Variants in UNC5C observed in about 807,000 individuals in gnomAD.
UNC5C encodes netrin receptor UNC5C.
Under a neutral mutation model 99.8 loss-of-function variants are expected in UNC5C, and 47 were observed. The observed-to-expected ratio is 0.47, with a 90% confidence interval of 0.37 to 0.60. The LOEUF (loss-of-function observed/expected upper bound fraction) is 0.60. Among genes scored for constraint, UNC5C ranks in the 20% least tolerant of loss-of-function variants. UNC5C has a pLI of 0.00. For synonymous variants in UNC5C, 487 were observed against 452.2 expected, an observed-to-expected ratio of 1.08 and a Z score of -0.98; for missense variants, 1,062 against 1,165.9, an observed-to-expected ratio of 0.91 and a Z score of 1.30.
At chr4:95,331,569 C>T (rs1743112842) in intron 2 of UNC5C, among the ~76,000 whole-genome samples, 1 of 152,028 alleles carries the variant, frequency 6.6e-6, no homozygotes, top group African/African-American at 2.4e-5. Context: ...TTACTCCATT[C>T]CTGAATCTCA....
At chr4:95,206,902 CTTTTT>C (rs35063112) in intron 10 of UNC5C, 106 bp from the exon 11 acceptor site, 39 of 510,754 alleles carry the variant, frequency 7.6e-5, no homozygotes, top group East Asian at 1.7e-4. Flanking sequence ...TCCTGGAATT[CTTTTT>C]TTTTTTTTTT....
chr4:95,488,177 T>C (rs1223969840), intron 1 of UNC5C, among the ~76,000 whole-genome samples: 1 of 151,702 alleles, frequency 6.6e-6, no homozygotes, highest in Admixed American at 6.6e-5. Context: ...ATTGAGTCAA[T>C]AGCAGGAATA....
chr4:95,206,811 G>C lies in UNC5C; in HGVS notation c.1734-15C>G, dbSNP rs577914378. 6.5e-7 allele frequency: 1 copy of C among 1,545,744 alleles called. No homozygotes were observed. The highest frequency in any genetic ancestry group is 1.4e-5 in the African/African-American group (1 of 71,884). On this transcript the variant is annotated splice_polypyrimidine_tract_variant and intron_variant, in intron 10 of 15. Coordinates refer to ENST00000453304, the MANE Select transcript of UNC5C (RefSeq NM_003728.4). ...CCATGGGTGGCCTAGGAGGAGAGCA[G>C]AGAATGGCTTCAGTGACATTTCCAT...
At chr4:95,240,891 G>C (rs4699414) in intron 7 of UNC5C, among the ~76,000 whole-genome samples, 52,597 of 152,016 alleles carry the variant, frequency 0.35, 9,459 homozygotes, top group East Asian at 0.58. Context: ...TCTGTCTCGT[G>C]GCATTGTATT....
chr4:95,290,546 G>A (rs1023214259), intron 3 of UNC5C, among the ~76,000 whole-genome samples: 4 of 152,222 alleles, frequency 2.6e-5, no homozygotes, highest in African/African-American at 9.6e-5. Flanking sequence ...GGTGACATGG[G>A]CAAGTTAGCT....
chr4:95,434,073 T>C (rs937158746), intron 1 of UNC5C, among the ~76,000 whole-genome samples: 2 of 152,166 alleles, frequency 1.3e-5, no homozygotes, highest in Admixed American at 6.6e-5. Context: ...TACATGTTTA[T>C]GTTTTCTTTG....
At chr4:95,344,116 A>C (rs538714504) in intron 1 of UNC5C, among the ~76,000 whole-genome samples, 59 of 152,196 alleles carry the variant, frequency 3.9e-4, no homozygotes, top group Admixed American at 2.7e-3. Context: ...AAGCAGGTTT[A>C]ACCCAAATAA....
rs1482853560 is a variant in UNC5C, at chr4:95,237,139, G to A, written c.1108+5290C>T. 2.0e-5 allele frequency among the ~76,000 whole-genome samples: 3 copies of A among 151,992 alleles called. No individual in the cohort carries two copies. In the South Asian group the frequency reaches 6.2e-4, roughly 32 times the overall value. ...TTTTAACATTTTATTTTTAATTGTT[G>A]TATTTTTTTATTGTTTTTAAAAATA... is the stretch of plus-strand genomic sequence containing the variant. On this transcript the variant is annotated intron_variant, in intron 7 of 15. Transcript: ENST00000453304.
intron 3 of UNC5C, among the ~76,000 whole-genome samples, chr4:95,301,331 G>A (rs1741866754): frequency 6.6e-6 from 1 of 151,820 alleles, no homozygotes; most frequent in African/African-American, 2.4e-5. Context: ...GAGTAACTGG[G>A]ACTACAGGCG....
chr4:95,175,676 A>AT (rs1263668246), intron 14 of UNC5C, among the ~76,000 whole-genome samples: 2 of 151,788 alleles, frequency 1.3e-5, no homozygotes, highest in Non-Finnish European at 2.9e-5. Context: ...TGCCCTTAAC[A>AT]TTTTTTCCTT....
At chr4:95,309,265 A>G (rs898128542) in intron 2 of UNC5C, among the ~76,000 whole-genome samples, 1 of 152,168 alleles carries the variant, frequency 6.6e-6, no homozygotes, top group Non-Finnish European at 1.5e-5. Context: ...AACTCATACC[A>G]TATACAAAAA....
At chr4:95,431,552 T>A (rs969591118) in intron 1 of UNC5C, among the ~76,000 whole-genome samples, 1 of 151,592 alleles carries the variant, frequency 6.6e-6, no homozygotes, top group Non-Finnish European at 1.5e-5. Flanking sequence ...TAAAAAAAAA[T>A]GTTTTAAAAG....
At chr4:95,382,733 C>G (rs1358294749) in intron 1 of UNC5C, among the ~76,000 whole-genome samples, 1 of 152,106 alleles carries the variant, frequency 6.6e-6, no homozygotes, top group South Asian at 2.1e-4. Flanking sequence ...AATAGCCTTG[C>G]TATCATTTGA....
intron 1 of UNC5C, among the ~76,000 whole-genome samples, chr4:95,442,321 GC>G (rs1325529922): frequency 6.6e-6 from 1 of 151,396 alleles, no homozygotes; most frequent in Non-Finnish European, 1.5e-5. Context: ...TCTCACATTA[GC>G]CCCCTGTGTA....
At chr4:95,511,198 A>G (rs1481436720) in intron 1 of UNC5C, among the ~76,000 whole-genome samples, 1 of 152,134 alleles carries the variant, frequency 6.6e-6, no homozygotes, top group African/African-American at 2.4e-5. Flanking sequence ...AGCTAATAAT[A>G]TCAGGGCAGA....
At chr4:95,250,242 C>T (rs1012263770) in intron 5 of UNC5C, among the ~76,000 whole-genome samples, 1 of 152,060 alleles carries the variant, frequency 6.6e-6, no homozygotes, top group African/African-American at 2.4e-5. Flanking sequence ...TAGAACCGGG[C>T]ATGGTGGTAC....
chr4:95,327,631 C>A (rs1272584227), intron 2 of UNC5C, among the ~76,000 whole-genome samples: 1 of 152,118 alleles, frequency 6.6e-6, no homozygotes, highest in Middle Eastern at 3.4e-3. Context: ...TCTGGAGCAA[C>A]CTCATTGTTT....
At chr4:95,322,686 C>T (rs1742734083) in intron 2 of UNC5C, among the ~76,000 whole-genome samples, 1 of 151,930 alleles carries the variant, frequency 6.6e-6, no homozygotes. Flanking sequence ...CACCTATAAT[C>T]CCAGCACTTT....
chr4:95,463,727 A>G (rs921523128), intron 1 of UNC5C, among the ~76,000 whole-genome samples: 3 of 152,196 alleles, frequency 2.0e-5, no homozygotes, highest in Non-Finnish European at 4.4e-5. Context: ...AGCAACATTT[A>G]TATCCATTTA....
Sources: gnomAD v4.1 joint callset for allele counts (sites outside exome capture counted in the v4.1 genomes callset) on GRCh38, gnomAD v4.1.1 for gene constraint, MANE v1.5 for transcripts, NCBI Gene and HGNC (gene_info 2026-07-23, HGNC 2026-07-21) for gene names.